Variants in ADGRE3 observed in about 807,000 individuals in gnomAD.
The protein encoded by ADGRE3 is adhesion G protein-coupled receptor E3.
ADGRE3 carries 88 observed loss-of-function variants against 80.1 expected under a neutral mutation model. The observed-to-expected ratio is 1.10, with a 90% CI of 0.93 to 1.31. The LOEUF (loss-of-function observed/expected upper bound fraction) is 1.31. Ranked by LOEUF, ADGRE3 falls within the 40% of genes most tolerant of loss-of-function variation. The pLI is 0.00. For synonymous variants in ADGRE3, 281 were observed against 294.8 expected (o/e 0.95, Z 0.48); for missense variants, 715 against 776.5 (o/e 0.92, Z 0.94).
chr19:14,644,557 C>T (rs1247755765), intron 8 of ADGRE3, among the ~76,000 whole-genome samples: 3 of 151,848 alleles, frequency 2.0e-5, no homozygotes, highest in Non-Finnish European at 4.4e-5. Context: ...TGGACTCAAG[C>T]AATCTTCCTG....
chr19:14,636,067 T>TTCC, intron 11 of ADGRE3, among the ~76,000 whole-genome samples: 1 of 124,724 alleles, frequency 8.0e-6, no homozygotes, highest in African/African-American at 2.9e-5. Flanking sequence ...CTTCCTTTCC[T>TTCC]TTCCTTTCCT....
chr19:14,615,757 TAAA>T (rs559844563), downstream of ADGRE3, among the ~76,000 whole-genome samples: 2 of 136,188 alleles, frequency 1.5e-5, no homozygotes, highest in Non-Finnish European at 1.6e-5. Context: ...GAGACTCTGC[TAAA>T]AAAAAAAAAA....
intron 10 of ADGRE3, among the ~76,000 whole-genome samples, chr19:14,639,707 T>G (rs1262397379): frequency 6.6e-6 from 1 of 152,182 alleles, no homozygotes; most frequent in Non-Finnish European, 1.5e-5. Context: ...TCAGCCACTG[T>G]GTCTGGCCCA....
chr19:14,601,144 C>T, the ADGRE3 span, among the ~76,000 whole-genome samples: 1 of 151,876 alleles, frequency 6.6e-6, no homozygotes, highest in East Asian at 1.9e-4. Context: ...TTCAGGTGAT[C>T]CTCCCACCTC....
At chr19:14,663,148 G>A (rs1306466339) in intron 3 of ADGRE3, among the ~76,000 whole-genome samples, 2 of 151,712 alleles carry the variant, frequency 1.3e-5, no homozygotes, top group Non-Finnish European at 2.9e-5. Flanking sequence ...GATTATAAGC[G>A]CCCCACACCA....
At position 14,663,501 on chromosome 19, in the gene ADGRE3, T is replaced by C. The variant is rs759944399; in HGVS notation, c.116A>G (p.Asn39Ser). ...ATGGTTGCAGGTGCAGTGAGTGTTA[T>C]TGACACAGGAAGCATTTGGGGGGCA... is the stretch of plus-strand genomic sequence containing the variant. ...AKCPPNASCV[N>S]NTHCTCNHGY... The change falls in exon 3 of 16, where the codon AAT (asparagine) becomes AGT (serine). Residue 39 changes from asparagine to serine, a missense_variant. Transcript: ENST00000253673. The C allele has an allele frequency of 3.6e-5, 58 of 1,613,404 alleles. No individual in the cohort carries two copies. The South Asian group carries it at 5.2e-4, about 14-fold the overall frequency.
intron 5 of ADGRE3, 41 bp downstream of exon 5, chr19:14,658,472 T>C: frequency 6.7e-7 from 1 of 1,485,182 alleles, no homozygotes; most frequent in South Asian, 1.4e-5. Context: ...GTTACTGATG[T>C]TTGTTACCTG....
downstream of ADGRE3, among the ~76,000 whole-genome samples, chr19:14,618,343 G>T (rs941450279): frequency 2.6e-5 from 4 of 151,882 alleles, no homozygotes; most frequent in African/African-American, 9.7e-5. Flanking sequence ...GCTGCTTGAG[G>T]TCAGGAGTTT....
In ADGRE3 at chr19:14,623,285, T is replaced by TAA. The variant is rs200178108; in HGVS notation, c.1920+2205_1920+2206dup. Among the ~76,000 whole-genome samples, 64 of 47,362 alleles carry TAA rather than the reference T, an allele frequency of 1.4e-3. 14 individuals carry two copies. Among genetic ancestry groups the TAA allele is most frequent in the African/African-American group, 5.2e-3 (58 of 11,070 alleles). 31.1% of individuals were successfully genotyped at this position (47,362 alleles called of 152,430 possible). The stretch of plus-strand genomic sequence containing the variant: ...ATTTATTAAATATGCCTAAAATACT[T>TAA]AAAAAAAAAAAAATAAAAAAAAAAA... On this transcript the variant is annotated intron_variant, in intron 15 of 15. Transcript: ENST00000253673.
chr19:14,633,670 A>G (rs1340514747), intron 11 of ADGRE3, among the ~76,000 whole-genome samples: 6 of 148,634 alleles, frequency 4.0e-5, no homozygotes, highest in Admixed American at 2.1e-4. Flanking sequence ...GCGCCACCGC[A>G]CTCCAGCCTG....
At chr19:14,654,924 C>A in intron 6 of ADGRE3, 58 bp downstream of exon 6, 1 of 1,419,622 alleles carries the variant, frequency 7.0e-7, no homozygotes, top group Non-Finnish European at 9.6e-7. Context: ...AATTGCCTAA[C>A]CCAGATCCCA....
At chr19:14,640,385 G>A (rs937391285) in intron 10 of ADGRE3, among the ~76,000 whole-genome samples, 1 of 152,144 alleles carries the variant, frequency 6.6e-6, no homozygotes, top group Admixed American at 6.6e-5. Flanking sequence ...TGCCTCCCGG[G>A]TTCAAGCAAT....
At chr19:14,617,341 C>CCTCCCTCTCTCTCTTTCTTT, downstream of ADGRE3, among the ~76,000 whole-genome samples, 2 of 57,170 alleles carry the variant, frequency 3.5e-5, no homozygotes, top group African/African-American at 1.2e-4. Flanking sequence ...TCCCTCCCTC[C>CCTCCCTCTCTCTCTTTCTTT]CTTTCTTTCT....
intron 11 of ADGRE3, among the ~76,000 whole-genome samples, chr19:14,636,087 T>C (rs568152418): frequency 3.8e-5 from 1 of 26,134 alleles, no homozygotes; most frequent in Non-Finnish European, 8.9e-5. Context: ...TTTCCCTTTC[T>C]TTCTTTCTTT....
chr19:14,636,055 T>TC (rs1568481011), intron 11 of ADGRE3, among the ~76,000 whole-genome samples: 1 of 33,694 alleles, frequency 3.0e-5, no homozygotes, highest in Admixed American at 4.1e-4. Flanking sequence ...CTTCCTTCCT[T>TC]CCTTCCTTTC....
chr19:14,607,418 T>C, the ADGRE3 span, among the ~76,000 whole-genome samples: 15 of 151,612 alleles, frequency 9.9e-5, no homozygotes, highest in African/African-American at 3.6e-4. Flanking sequence ...TTAGCCAGGA[T>C]GGTCTTGATC....
the ADGRE3 span, among the ~76,000 whole-genome samples, chr19:14,600,965 C>T: frequency 8.2e-6 from 1 of 121,422 alleles, no homozygotes; most frequent in African/African-American, 3.2e-5. Flanking sequence ...TGCAGTGGTG[C>T]AATCTTGGCT....
At chr19:14,663,013 A>G (rs2146897213) in intron 3 of ADGRE3, among the ~76,000 whole-genome samples, 1 of 150,276 alleles carries the variant, frequency 6.7e-6, no homozygotes, top group South Asian at 2.1e-4. Context: ...GAGTGTTTTT[A>G]TTTATTTTGA....
intron 9 of ADGRE3, among the ~76,000 whole-genome samples, chr19:14,641,942 C>T (rs893398481): frequency 6.6e-6 from 1 of 151,990 alleles, no homozygotes; most frequent in Non-Finnish European, 1.5e-5. Flanking sequence ...TCAAAAATTA[C>T]TCATATTAAA....
Sources: allele counts gnomAD v4.1 joint callset (sites outside exome capture counted in the v4.1 genomes callset), GRCh38; gene constraint gnomAD v4.1.1; transcripts MANE v1.5; gene names NCBI Gene and HGNC (gene_info 2026-07-23, HGNC 2026-07-21).